The following EYA2 variants were observed in gnomAD, a reference collection of about 807,000 sequenced individuals.
The protein encoded by EYA2 is EYA transcriptional coactivator and phosphatase 2.
A neutral mutation model predicts 69.2 loss-of-function variants in EYA2; 31 were observed. That is an observed-to-expected ratio of 0.45 (90% CI 0.34 to 0.60). EYA2 has a LOEUF of 0.60. Ranked by LOEUF, EYA2 falls within the 20% of genes least tolerant of loss-of-function variation. The pLI is 0.02. For missense variants in EYA2, 622 were observed against 701.2 expected (o/e 0.89, Z 1.28); for synonymous variants, 257 against 279.4 (o/e 0.92, Z 0.80).
At chr20:46,994,673 G>A (rs1981899375) in intron 2 of EYA2, among the ~76,000 whole-genome samples, 1 of 152,148 alleles carries the variant, frequency 6.6e-6, no homozygotes, top group South Asian at 2.1e-4. Flanking sequence ...CCACATGTCA[G>A]CTTCATCCTT....
At chr20:47,184,494 T>A (rs1053694308) in intron 15 of EYA2, among the ~76,000 whole-genome samples, 3 of 149,880 alleles carry the variant, frequency 2.0e-5, no homozygotes, top group Non-Finnish European at 4.4e-5. Context: ...CTCAGCTTAC[T>A]GCAGCCTCTA....
intron 8 of EYA2, among the ~76,000 whole-genome samples, chr20:47,093,872 G>A (rs528355678): frequency 6.6e-6 from 1 of 152,362 alleles, no homozygotes; most frequent in East Asian, 1.9e-4. Context: ...ATCCATCTCA[G>A]CCTAGTCCTT....
chr20:47,166,039 G>GA (rs1014591470), intron 10 of EYA2, among the ~76,000 whole-genome samples: 12 of 151,298 alleles, frequency 7.9e-5, no homozygotes, highest in Non-Finnish European at 1.3e-4. Flanking sequence ...TTCAAAAAAA[G>GA]AAAAAAAATG....
intron 1 of EYA2, among the ~76,000 whole-genome samples, chr20:46,920,710 C>T (rs777084513): frequency 1.5e-4 from 23 of 152,186 alleles, no homozygotes; most frequent in Non-Finnish European, 3.1e-4. Flanking sequence ...CAGTGTGTCT[C>T]CCTCATTCCA....
chr20:47,184,929 C>T (rs1483971043), intron 15 of EYA2, among the ~76,000 whole-genome samples: 2 of 152,184 alleles, frequency 1.3e-5, no homozygotes, highest in Non-Finnish European at 2.9e-5. Flanking sequence ...TACACACCCA[C>T]CACACACAGA....
At chr20:47,115,640 C>T (rs547586853) in intron 9 of EYA2, among the ~76,000 whole-genome samples, 13 of 152,240 alleles carry the variant, frequency 8.5e-5, no homozygotes, top group East Asian at 5.8e-4. Context: ...CAGCCTCCTC[C>T]GCCCTCTCCA....
rs547789045 is a variant in EYA2 at position 47,183,347 on chromosome 20, G to C, written c.1492G>C (p.Val498Leu). ...MQRFGRKAVY[V>L]VIGDGVEEEQ... is the part of the protein sequence containing the mutation. ...GAGATTCGGCAGAAAAGCTGTCTAC[G>C]TGGTGATCGGTGATGGTGTGGAAGA... Residue 498 changes from valine (V) to leucine (L), a missense_variant, in exon 15 of 16, where the codon GTG becomes CTG. Physicochemically the swap from Val to Leu is conservative, Grantham distance 32. Transcript: ENST00000327619. 2.5e-6 allele frequency: 4 copies of C among 1,614,114 alleles called. No homozygotes were observed. Among genetic ancestry groups the C allele is most frequent in the East Asian group, 2.2e-5 (1 of 44,886 alleles).
chr20:47,188,501 G>A lies in EYA2; in HGVS notation c.*368G>A, dbSNP rs1046661. 256,074 of 504,920 alleles carry A rather than the reference G, an allele frequency of 0.51. 68,361 individuals carry two copies. The highest frequency in any genetic ancestry group is 0.81 in the African/African-American group (42,516 of 52,676). The allele number at this position is 504,920 out of a possible 1,614,324, so 31.3% of individuals were successfully genotyped here. The stretch of plus-strand genomic sequence containing the variant: ...ATTTATGGACTAGTCTCATTACTCC[G>A]GAATTATGCTCTTGTACCTGTGTGG... On this transcript the variant is annotated 3_prime_UTR_variant, in exon 16 of 16. Coordinates refer to ENST00000327619, the MANE Select transcript of EYA2 (RefSeq NM_005244.5).
chr20:47,047,318 G>A (rs1004735172), intron 5 of EYA2, among the ~76,000 whole-genome samples: 1 of 152,116 alleles, frequency 6.6e-6, no homozygotes, highest in Admixed American at 6.5e-5. Flanking sequence ...AGTAGGGCAG[G>A]TCACGCAGAG....
chr20:46,936,290 G>T (rs1985905726), intron 1 of EYA2, among the ~76,000 whole-genome samples: 1 of 152,166 alleles, frequency 6.6e-6, no homozygotes, highest in South Asian at 2.1e-4. Context: ...GGTTAACATG[G>T]CAAAACCCTG....
At chr20:46,961,196 G>A (rs535276398) in intron 1 of EYA2, among the ~76,000 whole-genome samples, 6 of 152,114 alleles carry the variant, frequency 3.9e-5, no homozygotes, top group African/African-American at 7.2e-5. Context: ...TTAGCCGGGC[G>A]TGGTGGTGCG....
At chr20:47,103,085 T>C (rs978350636) in intron 9 of EYA2, among the ~76,000 whole-genome samples, 4 of 152,056 alleles carry the variant, frequency 2.6e-5, no homozygotes, top group African/African-American at 9.7e-5. Context: ...GTTGTTGTTG[T>C]TGTTAATAAC....
intron 1 of EYA2, among the ~76,000 whole-genome samples, chr20:46,926,835 G>A (rs1985437023): frequency 6.6e-6 from 1 of 152,186 alleles, no homozygotes; most frequent in Non-Finnish European, 1.5e-5. Flanking sequence ...TTGGGTGTGG[G>A]AGCAGAGTTG....
Position 47,005,001 on chromosome 20 carries a change from C to A in EYA2, c.215C>A (p.Thr72Lys), listed in dbSNP as rs373669958. ...PSTAMAAYGQ[T>K]QYSAGIQQAT... ...ACAGCCATGGCAGCCTACGGCCAGACGCAGTACAGTGCGGGGATCCAGCAG... is the reference window on the plus strand; with the variant it reads ...ACAGCCATGGCAGCCTACGGCCAGAAGCAGTACAGTGCGGGGATCCAGCAG... Residue 72 changes from threonine (T) to lysine (K), a missense_variant, in exon 4 of 16, where the codon ACG (threonine) becomes AAG (lysine). By Grantham distance (78) the Thr-to-Lys change is moderately conservative. Coordinates refer to ENST00000327619, the MANE Select transcript of EYA2 (RefSeq NM_005244.5). 1 of 1,614,096 alleles carries A rather than the reference C, an allele frequency of 6.2e-7. No homozygotes were observed.
At chr20:46,949,739 C>G (rs1206755) in intron 1 of EYA2, among the ~76,000 whole-genome samples, 77,087 of 152,078 alleles carry the variant, frequency 0.51, 20,914 homozygotes, top group African/African-American at 0.69. Flanking sequence ...TTTTATGTAG[C>G]TGTTAGGTTG....
intron 1 of EYA2, among the ~76,000 whole-genome samples, chr20:46,905,753 G>A (rs573353070): frequency 1.3e-5 from 2 of 152,224 alleles, no homozygotes; most frequent in East Asian, 3.9e-4. Flanking sequence ...GATCACAAGA[G>A]CCCTCTGAGC....
chr20:47,119,578 G>C (rs1037754855), intron 9 of EYA2, among the ~76,000 whole-genome samples: 4 of 152,332 alleles, frequency 2.6e-5, no homozygotes, highest in African/African-American at 9.6e-5. Context: ...ATATTTGTAT[G>C]ACTGTTTATA....
At chr20:47,034,576 T>C (rs1984595530) in intron 5 of EYA2, among the ~76,000 whole-genome samples, 1 of 152,138 alleles carries the variant, frequency 6.6e-6, no homozygotes, top group Non-Finnish European at 1.5e-5. Flanking sequence ...TCCCCAACTT[T>C]GCAATTCAGA....
chr20:46,944,434 G>A (rs1488456863), intron 1 of EYA2, among the ~76,000 whole-genome samples: 4 of 152,254 alleles, frequency 2.6e-5, no homozygotes, highest in East Asian at 3.9e-4. Flanking sequence ...CAGATTGTTC[G>A]GATGAGCAGT....
Sources: gnomAD v4.1 joint callset for allele counts (sites outside exome capture counted in the v4.1 genomes callset) on GRCh38, gnomAD v4.1.1 for gene constraint, MANE v1.5 for transcripts, NCBI Gene and HGNC (gene_info 2026-07-23, HGNC 2026-07-21) for gene names.